Variants in ARHGAP44 observed in about 807,000 individuals in gnomAD.
ARHGAP44 encodes Rho GTPase activating protein 44, also known as rho GTPase-activating protein 44.
In ARHGAP44, 43 loss-of-function variants were observed where a neutral mutation model predicts 106.8. The ratio of observed to expected loss-of-function variants is 0.40; its 90% confidence interval spans 0.32 to 0.52. The LOEUF (loss-of-function observed/expected upper bound fraction) is 0.52. Ranked by LOEUF, ARHGAP44 falls within the 20% of genes least tolerant of loss-of-function variation. The probability of loss-of-function intolerance (pLI) is 0.48; values close to 1 mark genes in which losing one functional copy is unlikely to be tolerated. For synonymous variants in ARHGAP44, 439 were observed against 410.3 expected, an observed-to-expected ratio of 1.07 and a Z score of -0.85; for missense variants, 866 against 1,050.5, an observed-to-expected ratio of 0.82 and a Z score of 2.43.
intron 7 of ARHGAP44, among the ~76,000 whole-genome samples, chr17:12,940,389 C>A (rs574398702): frequency 1.5e-4 from 23 of 152,212 alleles, no homozygotes; most frequent in Admixed American, 8.5e-4. Flanking sequence ...AAGCTGTTCT[C>A]CTTGGAGGAC....
chr17:12,797,111 C>G (rs1229530876), intron 1 of ARHGAP44, among the ~76,000 whole-genome samples: 1 of 152,056 alleles, frequency 6.6e-6, no homozygotes, highest in Non-Finnish European at 1.5e-5. Context: ...TGTTGTATGT[C>G]TCTTTTTTCT....
At chr17:12,827,786 G>A (rs1409687599) in intron 1 of ARHGAP44, among the ~76,000 whole-genome samples, 1 of 151,990 alleles carries the variant, frequency 6.6e-6, no homozygotes, top group Non-Finnish European at 1.5e-5. Flanking sequence ...TAACAACCTT[G>A]ATGAAGTCTC....
chr17:12,884,884 C>G (rs1408288808), intron 1 of ARHGAP44, among the ~76,000 whole-genome samples: 1 of 151,408 alleles, frequency 6.6e-6, no homozygotes, highest in African/African-American at 2.4e-5. Flanking sequence ...CTATATCTTG[C>G]TAAGCATTTT....
At chr17:12,917,193 G>A (rs1027753734) in intron 5 of ARHGAP44, 4 of 154,328 alleles carry the variant, frequency 2.6e-5, no homozygotes, top group Admixed American at 6.5e-5. Context: ...TATATGAGAG[G>A]GGTTTCTCCC....
intron 10 of ARHGAP44, among the ~76,000 whole-genome samples, chr17:12,945,588 G>A (rs1296399772): frequency 6.6e-6 from 1 of 152,056 alleles, no homozygotes; most frequent in African/African-American, 2.4e-5. Flanking sequence ...AGTCTCTAAG[G>A]GAGCACTAAG....
At chr17:12,792,194 G>A (rs941277203) in intron 1 of ARHGAP44, among the ~76,000 whole-genome samples, 1 of 152,038 alleles carries the variant, frequency 6.6e-6, no homozygotes, top group African/African-American at 2.4e-5. Context: ...CTGAGAATGT[G>A]CTCCTTCCAA....
intron 3 of ARHGAP44, among the ~76,000 whole-genome samples, chr17:12,903,140 A>AGAGTGTGTGTGT (rs1403029479): frequency 3.5e-5 from 2 of 57,594 alleles, no homozygotes; most frequent in East Asian, 1.6e-3. Flanking sequence ...AGAGAGAGAG[A>AGAGTGTGTGTGT]GTGTGTGTGT....
chr17:12,955,717 C>T lies in ARHGAP44; in HGVS notation c.1137-150C>T, dbSNP rs1315821228. On this transcript the variant is annotated intron_variant, in intron 13 of 20. Transcript: ENST00000379672. ...AAAGAGGATGCAGAATTTCCATTTC[C>T]TGACACGTGACGCATGTTCATTACA... 5.3e-6 allele frequency: 3 copies of T among 566,422 alleles called. No homozygotes were observed. In the Admixed American group the frequency reaches 9.5e-5, roughly 18 times the overall value. The allele number at this position is 566,422 out of a possible 1,614,324, so 35.1% of individuals were successfully genotyped here. A position where few individuals can be genotyped will look rare whatever the true frequency, so the allele number is the denominator to read the frequency against.
chr17:12,838,394 T>C (rs2035297410), intron 1 of ARHGAP44, among the ~76,000 whole-genome samples: 1 of 152,212 alleles, frequency 6.6e-6, no homozygotes, highest in South Asian at 2.1e-4. Flanking sequence ...ATTTCAGATG[T>C]TTTTTCTTTA....
In ARHGAP44 at chr17:12,915,947, A is replaced by G. The variant is rs1457248024; in HGVS notation, c.323A>G (p.Glu108Gly). The G allele has an allele frequency of 6.2e-7, 1 of 1,613,814 alleles. No individual in the cohort carries two copies. The highest frequency in any genetic ancestry group is 8.5e-7 in the Non-Finnish European group (1 of 1,179,868). The change falls in exon 5 of 21, where the codon GAG (glutamate) becomes GGG (glycine). Residue 108 changes from glutamate (E) to glycine (G), a missense_variant. Around this residue, in one of 2 missense-constraint regions of ARHGAP44, gnomAD observed 448 missense variants for 646.9 expected, o/e 0.69. Transcript: ENST00000379672. ...CGETEDKLAQELIHFELQVER... is the reference protein window; with the variant it reads ...CGETEDKLAQGLIHFELQVER... Reference sequence around the variant, plus strand: ...GAGACGGAGGACAAGCTGGCTCAGGAGCTGATACATTTTGAGTTGCAAGTA... The same window carrying G: ...GAGACGGAGGACAAGCTGGCTCAGGGGCTGATACATTTTGAGTTGCAAGTA...
Position 12,923,937 on chromosome 17 carries a change from T to TC in ARHGAP44, c.464+4113dup, listed in dbSNP as rs533406774. Among the ~76,000 whole-genome samples the TC allele has an allele frequency of 1.4e-3, 209 of 151,978 alleles. 1 individual carries two copies. The highest frequency in any genetic ancestry group is 2.4e-3 in the Non-Finnish European group (166 of 67,972). On this transcript the variant is annotated intron_variant, in intron 6 of 20. Transcript: ENST00000379672. ...TCTGGAACAGCTGGGTTCTGAATGC[T>TC]CCCCCCCTACCCCCTGCATTTCTCC...
intron 1 of ARHGAP44, among the ~76,000 whole-genome samples, chr17:12,841,639 C>CAAAAAAAAAAAAAAA (rs1331198278): frequency 7.3e-6 from 1 of 137,396 alleles, no homozygotes; most frequent in African/African-American, 2.9e-5. Flanking sequence ...CACACACACA[C>CAAAAAAAAAAAAAAA]AAACAAACAA....
At chr17:12,976,813 G>A (rs573300742) in intron 18 of ARHGAP44, among the ~76,000 whole-genome samples, 1 of 152,102 alleles carries the variant, frequency 6.6e-6, no homozygotes, top group Admixed American at 6.6e-5. Context: ...ATGCAGATGC[G>A]GGCACAGTGA....
chr17:12,986,883 C>A, intron 20 of ARHGAP44: 1 of 512,368 alleles, frequency 2.0e-6, no homozygotes, highest in Non-Finnish European at 3.5e-6. Flanking sequence ...TCATAATGTC[C>A]CTCGCCCTGT....
chr17:12,917,020 A>C (rs1446975585), intron 5 of ARHGAP44, among the ~76,000 whole-genome samples: 1 of 152,194 alleles, frequency 6.6e-6, no homozygotes, highest in African/African-American at 2.4e-5. Flanking sequence ...CAACCGGTAA[A>C]TATGATGCAA....
intron 1 of ARHGAP44, among the ~76,000 whole-genome samples, chr17:12,832,088 G>A (rs945284261): frequency 6.6e-6 from 1 of 152,130 alleles, no homozygotes; most frequent in Non-Finnish European, 1.5e-5. Flanking sequence ...ACCAAGACAG[G>A]GGAACTTCAG....
intron 1 of ARHGAP44, among the ~76,000 whole-genome samples, chr17:12,878,370 A>G (rs2036621154): frequency 6.6e-6 from 1 of 152,174 alleles, no homozygotes. Flanking sequence ...CCTGAAACTC[A>G]TAAGTGGAAC....
intron 3 of ARHGAP44, among the ~76,000 whole-genome samples, chr17:12,900,138 AT>A (rs910100426): frequency 1.3e-5 from 2 of 149,400 alleles, no homozygotes; most frequent in African/African-American, 2.5e-5. Flanking sequence ...TTTTATTTTT[AT>A]TTTTTTTTGA....
At chr17:12,976,987 T>G (rs1465151899) in intron 18 of ARHGAP44, among the ~76,000 whole-genome samples, 1 of 152,022 alleles carries the variant, frequency 6.6e-6, no homozygotes, top group Non-Finnish European at 1.5e-5. Context: ...CCATATGGTA[T>G]TTGGCATATA....
Sources: gnomAD v4.1 joint callset for allele counts (sites outside exome capture counted in the v4.1 genomes callset) on GRCh38, gnomAD v4.1.1 for gene constraint, gnomAD v4.1.1 regional missense constraint, MANE v1.5 for transcripts, NCBI Gene and HGNC (gene_info 2026-07-23, HGNC 2026-07-21) for gene names.